Variants in ZNF587B observed in about 807,000 individuals in gnomAD.
ZNF587B encodes the protein zinc finger protein 587B.
Under a neutral mutation model 7.2 loss-of-function variants are expected in ZNF587B, and 6 were observed. That is an observed-to-expected ratio of 0.83 (90% CI 0.46 to 1.65). The LOEUF is 1.65. Ranked by LOEUF, ZNF587B falls within the 40% of genes most tolerant of loss-of-function variation. The pLI, the probability that ZNF587B is intolerant of heterozygous loss-of-function variation, is 0.01. For missense variants in ZNF587B, 749 were observed against 761.0 expected (o/e 0.98, Z 0.19); for synonymous variants, 274 against 254.3 (o/e 1.08, Z -0.74).
At position 57,841,437 on chromosome 19, in the gene ZNF587B, G is replaced by C. The variant is rs1157965257; in HGVS notation, c.763G>C (p.Val255Leu). Reference protein sequence around the residue: ...CECGKSFSKYVSFSNHQRVHS... With the variant: ...CECGKSFSKYLSFSNHQRVHS... ...ATGTGGGAAATCCTTTAGCAAATAT[G>C]TTAGCTTCAGTAATCATCAGAGAGT... The change falls in exon 3 of 3, where the codon GTT becomes CTT. Residue 255 changes from valine to leucine, a missense_variant. By Grantham distance (32) the Val-to-Leu change is conservative. Transcript: ENST00000594901. 6.3e-7 allele frequency: 1 copy of C among 1,584,588 alleles called. No homozygotes were observed. Among genetic ancestry groups the C allele is most frequent in the South Asian group, 1.1e-5 (1 of 87,938 alleles).
In ZNF587B at chr19:57,843,590, GTTTTTT is replaced by G. The variant is rs1174938612; in HGVS notation, c.*1018_*1023del. Reference sequence around the variant, plus strand: ...TGGTTGGTTGGTTGGTTGGTTGGTTGTTTTTTTTTGTTTTTTTTTTTTTTTTTTTTG... The same window carrying G: ...TGGTTGGTTGGTTGGTTGGTTGGTTGTTTGTTTTTTTTTTTTTTTTTTTTG... On this transcript the variant is annotated 3_prime_UTR_variant, in exon 3 of 3. Coordinates refer to ENST00000594901, the MANE Select transcript of ZNF587B (RefSeq NM_001376223.1). The G allele has an allele frequency of 8.7e-6, 5 of 576,832 alleles. No homozygotes were observed. The highest frequency in any genetic ancestry group is 3.8e-5 in the African/African-American group (1 of 26,424). 35.7% of individuals were successfully genotyped at this position (576,832 alleles called of 1,614,324 possible). A position where few individuals can be genotyped will look rare whatever the true frequency, so the allele number is the denominator to read the frequency against.
At position 57,841,688 on chromosome 19, in the gene ZNF587B, C is replaced by T. The variant is rs1295437282; in HGVS notation, c.1014C>T (p.Asn338=). 3 of 1,605,166 alleles carry T rather than the reference C, an allele frequency of 1.9e-6. No individual in the cohort carries two copies. The highest frequency in any genetic ancestry group is 1.7e-5 in the Admixed American group (1 of 58,236). Residue 338 remains asparagine (N), a synonymous_variant, in exon 3 of 3, where the codon AAC becomes AAT. Transcript: ENST00000594901. ...AATGTGGGAAATCTTTTAGTTCAAACGTGAACCTTAAGAGTCATCAGCGCA... is the reference window on the plus strand; with the variant it reads ...AATGTGGGAAATCTTTTAGTTCAAATGTGAACCTTAAGAGTCATCAGCGCA... ...CGECGKSFSS[N]VNLKSHQRIH... is the part of the protein sequence containing the mutation.
intron 1 of ZNF587B, among the ~76,000 whole-genome samples, chr19:57,831,010 A>T (rs987707447): frequency 6.6e-6 from 1 of 152,226 alleles, no homozygotes; most frequent in Non-Finnish European, 1.5e-5. Flanking sequence ...TTCCAGGTGC[A>T]GGGGCTTTAA....
chr19:57,838,595 A>G (rs1171595477), intron 1 of ZNF587B, among the ~76,000 whole-genome samples: 2 of 151,954 alleles, frequency 1.3e-5, no homozygotes, highest in Non-Finnish European at 2.9e-5. Flanking sequence ...GGGAGACTCC[A>G]TCTCAAACAA....
At chr19:57,830,974 A>G (rs1988361612) in intron 1 of ZNF587B, among the ~76,000 whole-genome samples, 1 of 151,934 alleles carries the variant, frequency 6.6e-6, no homozygotes, top group African/African-American at 2.4e-5. Context: ...AGTTAAAAGG[A>G]TAAATGGTTA....
Position 57,842,375 on chromosome 19 carries a change from T to C in ZNF587B, c.1701T>C (p.Ser567=). Reference sequence around the variant, plus strand: ...TTGCTGCAAGCTCCTATCTCACTAGTCACAGGAGAGTTCACACTGGTCAGA... The same window carrying C: ...TTGCTGCAAGCTCCTATCTCACTAGCCACAGGAGAGTTCACACTGGTCAGA... ...KSFAASSYLT[S]HRRVHTGQKP... The change falls in exon 3 of 3, where the codon AGT becomes AGC. Residue 567 remains serine, a synonymous_variant. Coordinates refer to ENST00000594901, the MANE Select transcript of ZNF587B (RefSeq NM_001376223.1). The C allele has an allele frequency of 1.2e-6, 2 of 1,604,752 alleles. No individual in the cohort carries two copies. The highest frequency in any genetic ancestry group is 1.7e-6 in the Non-Finnish European group (2 of 1,175,900).
At chr19:57,832,518 G>C (rs1352120559) in intron 1 of ZNF587B, among the ~76,000 whole-genome samples, 1 of 152,162 alleles carries the variant, frequency 6.6e-6, no homozygotes, top group Non-Finnish European at 1.5e-5. Flanking sequence ...GAAAGGTCAC[G>C]TATCTCTGTT....
In ZNF587B at chr19:57,842,113, ACCT is replaced by A. The variant is rs779281128; in HGVS notation, c.1443_1445del (p.Leu482del). 21 of 1,606,724 alleles carry A rather than the reference ACCT, an allele frequency of 1.3e-5. No homozygotes were observed. The highest frequency in any genetic ancestry group is 1.7e-5 in the Non-Finnish European group (20 of 1,176,200). Reference sequence around the variant, plus strand: ...GGAAAATTATTTAAGAAGAAGTCTCACCTCCTTGTACACCAGAGAATTCACAGT... The same window carrying A: ...GGAAAATTATTTAAGAAGAAGTCTCACCTTGTACACCAGAGAATTCACAGT... On this transcript the variant is annotated inframe_deletion, in exon 3 of 3. Transcript: ENST00000594901.
chr19:57,833,129 G>A (rs1175261115), intron 1 of ZNF587B, among the ~76,000 whole-genome samples: 4 of 152,252 alleles, frequency 2.6e-5, no homozygotes, highest in Non-Finnish European at 5.9e-5. Flanking sequence ...CTTCTCCTTA[G>A]GACGGTGAGT....
At chr19:57,834,770 C>T (rs1412041934) in intron 1 of ZNF587B, among the ~76,000 whole-genome samples, 4 of 118,810 alleles carry the variant, frequency 3.4e-5, no homozygotes, top group South Asian at 2.8e-4. Context: ...GCTTGAACCC[C>T]GGAGGCAGAG....
Position 57,841,496 on chromosome 19 carries a change from A to G in ZNF587B, c.822A>G (p.Glu274=). ...HSGKRPYECG[E]CEKSFSQKSS... ...GAAAAAGACCTTATGAATGTGGAGA[A>G]TGTGAGAAATCTTTTAGTCAAAAGA... Residue 274 remains glutamate, a synonymous_variant, in exon 3 of 3, where the codon GAA becomes GAG. Coordinates refer to ENST00000594901, the MANE Select transcript of ZNF587B (RefSeq NM_001376223.1). 6.3e-7 allele frequency: 1 copy of G among 1,586,092 alleles called. No individual in the cohort carries two copies. The highest frequency in any genetic ancestry group is 8.6e-7 in the Non-Finnish European group (1 of 1,165,474).
chr19:57,843,005 C>T lies in ZNF587B; in HGVS notation c.*429C>T. 1 of 983,002 alleles carries T rather than the reference C, an allele frequency of 1.0e-6. No homozygotes were observed. 60.9% of individuals were successfully genotyped at this position (983,002 alleles called of 1,614,324 possible). ...ATATAGGGAATGTTATTATTTTTTCCTTTTTTTGGAGAGACGGTCTCACTC... is the reference window on the plus strand; with the variant it reads ...ATATAGGGAATGTTATTATTTTTTCTTTTTTTTGGAGAGACGGTCTCACTC... On this transcript the variant is annotated 3_prime_UTR_variant, in exon 3 of 3. Transcript: ENST00000594901.
In ZNF587B at chr19:57,840,404, G is replaced by T. The variant is rs189838576; in HGVS notation, c.164-434G>T. 3.7e-3 allele frequency among the ~76,000 whole-genome samples: 570 copies of T among 152,050 alleles called. 2 individuals are homozygous for T. The highest frequency in any genetic ancestry group is 0.013 in the African/African-American group (532 of 41,474). On this transcript the variant is annotated intron_variant, in intron 2 of 2. Transcript: ENST00000594901. ...CCATTTTACATATGTCACCATTTGCGTGTTCTCCAGTATTTGCATAGAGAT... is the reference window on the plus strand; with the variant it reads ...CCATTTTACATATGTCACCATTTGCTTGTTCTCCAGTATTTGCATAGAGAT...
At chr19:57,831,357 G>A (rs1600101097) in intron 1 of ZNF587B, among the ~76,000 whole-genome samples, 1 of 152,324 alleles carries the variant, frequency 6.6e-6, no homozygotes, top group East Asian at 1.9e-4. Context: ...GTGGAACAGT[G>A]TGCTCGTTGG....
chr19:57,832,612 T>G (rs1988460388), intron 1 of ZNF587B, among the ~76,000 whole-genome samples: 1 of 152,258 alleles, frequency 6.6e-6, no homozygotes, highest in South Asian at 2.1e-4. Flanking sequence ...TTGTAGATAT[T>G]CGTCAGTGTC....
chr19:57,839,865 G>T lies in ZNF587B; in HGVS notation c.163+716G>T, dbSNP rs138327914. The stretch of plus-strand genomic sequence containing the variant: ...GGAGGCCCTGGCAGGTGGATCATAA[G>T]GTCAGGAGTTCAAGACCAGCCTGGC... On this transcript the variant is annotated intron_variant, in intron 2 of 2. Coordinates refer to ENST00000594901, the MANE Select transcript of ZNF587B (RefSeq NM_001376223.1). Among the ~76,000 whole-genome samples the T allele has an allele frequency of 1.3e-4, 20 of 152,142 alleles. No homozygotes were observed. In the East Asian group the frequency reaches 3.1e-3, roughly 24 times the overall value.
Position 57,843,168 on chromosome 19 carries a change from A to G in ZNF587B, c.*592A>G, listed in dbSNP as rs10424027. ...CACCACCATGCCTGGCTATTTTCTC[A>G]TATTAGTAGATATAGGGTTTTACCA... On this transcript the variant is annotated 3_prime_UTR_variant, in exon 3 of 3. Coordinates refer to ENST00000594901, the MANE Select transcript of ZNF587B (RefSeq NM_001376223.1). The G allele has an allele frequency of 0.26, 154,708 of 589,034 alleles. 22,364 individuals are homozygous for G. Among genetic ancestry groups the G allele is most frequent in the African/African-American group, 0.5 (24,812 of 49,282 alleles). 36.5% of individuals were successfully genotyped at this position (589,034 alleles called of 1,614,324 possible).
At chr19:57,830,681 A>G (rs1169082037) in intron 1 of ZNF587B, 117 bp downstream of exon 1, 10 of 1,192,642 alleles carry the variant, frequency 8.4e-6, no homozygotes, top group Non-Finnish European at 1.2e-5. Context: ...CTGAGTTTTT[A>G]TTAGGAGTGA....
At position 57,843,191 on chromosome 19, in the gene ZNF587B, C is replaced by T; in HGVS notation, c.*615C>T. 1.4e-6 allele frequency: 1 copy of T among 691,998 alleles called. No individual in the cohort carries two copies. Among genetic ancestry groups the T allele is most frequent in the Non-Finnish European group, 1.8e-6 (1 of 562,506 alleles). 42.9% of individuals were successfully genotyped at this position (691,998 alleles called of 1,614,324 possible). On this transcript the variant is annotated 3_prime_UTR_variant, in exon 3 of 3. Transcript: ENST00000594901. ...TCATATTAGTAGATATAGGGTTTTA[C>T]CATGTTTCCAGGCTGGTATCGAACT...
Sources: allele counts gnomAD v4.1 joint callset (sites outside exome capture counted in the v4.1 genomes callset), GRCh38; gene constraint gnomAD v4.1.1; transcripts MANE v1.5; gene names NCBI Gene and HGNC (gene_info 2026-07-23, HGNC 2026-07-21).